SOX10: variants seen among roughly 807,000 people sequenced by gnomAD.
SOX10 encodes the protein SRY-box transcription factor 10.
SOX10 carries 3 observed loss-of-function variants against 35.0 expected under a neutral mutation model. The observed-to-expected ratio is 0.09, with a 90% CI of 0.04 to 0.22. The LOEUF (loss-of-function observed/expected upper bound fraction) is 0.22, where lower values mean the gene tolerates loss of function less well. Among genes scored for constraint, SOX10 ranks in the 10% least tolerant of loss-of-function variants. SOX10 has a pLI of 1.00. For missense variants in SOX10, 436 were observed against 655.1 expected, an observed-to-expected ratio of 0.67 and a Z score of 3.65; for synonymous variants, 285 against 291.0, an observed-to-expected ratio of 0.98 and a Z score of 0.21.
In SOX10 at chr22:37,978,778, CTT is replaced by C. The variant is rs139967029; in HGVS notation, c.429-645_429-644del. ...CCTTGAGGAAGAGGTGCTTTTCTTTCTTTCTTTTTTTTTTCTGTGAGGGAATC... is the reference window on the plus strand; with the variant it reads ...CCTTGAGGAAGAGGTGCTTTTCTTTCTCTTTTTTTTTTCTGTGAGGGAATC... On this transcript the variant is annotated intron_variant, in intron 2 of 3. Coordinates refer to ENST00000396884, the MANE Select transcript of SOX10 (RefSeq NM_006941.4). The surrounding 1 kb of genome is among the most constrained non-coding windows in gnomAD (Gnocchi z 5.0). 8.3e-3 allele frequency among the ~76,000 whole-genome samples: 1,267 copies of C among 152,032 alleles called. 17 individuals carry two copies. The highest frequency in any genetic ancestry group is 0.029 in the African/African-American group (1,209 of 41,454).
chr22:37,982,127 C>G (rs965931098), intron 2 of SOX10, among the ~76,000 whole-genome samples: 4 of 152,196 alleles, frequency 2.6e-5, no homozygotes, highest in African/African-American at 9.7e-5. Context: ...TTGTTCTCAT[C>G]TTCTTGCTTC....
rs1287431015 is a variant in SOX10 at position 37,983,689 on chromosome 22, C to T, written c.96G>A (p.Gly32=). The part of the protein sequence containing the change: ...CLSPGSAPSL[G]PDGGGGGSGL... ...CCGATCCGCCGCCGCCGCCGTCGGG[C>T]CCTAGCGAGGGCGCGCTCCCCGGGG... is the stretch of plus-strand genomic sequence containing the variant. Residue 32 remains glycine, a synonymous_variant, in exon 2 of 4, where the codon GGG becomes GGA. Coordinates refer to ENST00000396884, the MANE Select transcript of SOX10 (RefSeq NM_006941.4). The surrounding 1 kb of genome is among the most constrained non-coding windows in gnomAD (Gnocchi z 9.5). 1.3e-6 allele frequency: 2 copies of T among 1,543,792 alleles called. No homozygotes were observed. Among genetic ancestry groups the T allele is most frequent in the South Asian group, 1.2e-5 (1 of 84,892 alleles).
At position 37,980,665 on chromosome 22, in the gene SOX10, G is replaced by A. The variant is rs912876757; in HGVS notation, c.429-2530C>T. Among the ~76,000 whole-genome samples the A allele has an allele frequency of 2.0e-5, 3 of 152,024 alleles. No homozygotes were observed. Among genetic ancestry groups the A allele is most frequent in the Admixed American group, 6.5e-5 (1 of 15,276 alleles). ...TTACCAGCCCCAAACCCCCAACTTC[G>A]CCTCCAGCTCTAACTCCAAACCCAG... On this transcript the variant is annotated intron_variant, in intron 2 of 3. Coordinates refer to ENST00000396884, the MANE Select transcript of SOX10 (RefSeq NM_006941.4). This position sits in a 1 kb window ranked among gnomAD's most constrained non-coding sequence, Gnocchi z 4.1.
At position 37,984,410 on chromosome 22, in the gene SOX10, C is replaced by T. The variant is rs1010130580; in HGVS notation, c.-156G>A. ...AAAACCGTGTCCCAAGGTGTGCGGT[C>T]CAGCTCGGGGCTGGGAGGTGACGCT... On this transcript the variant is annotated 5_prime_UTR_variant, in exon 1 of 4. Transcript: ENST00000396884. This position sits in a 1 kb window ranked among gnomAD's most constrained non-coding sequence, Gnocchi z 4.4. 1.3e-5 allele frequency: 2 copies of T among 152,310 alleles called. No homozygotes were observed. The highest frequency in any genetic ancestry group is 2.9e-5 in the Non-Finnish European group (2 of 68,128). 9.4% of individuals were successfully genotyped at this position (152,310 alleles called of 1,614,324 possible).
Position 37,974,604 on chromosome 22 carries a change from C to T in SOX10, c.698-406G>A, listed in dbSNP as rs1228233491. The stretch of plus-strand genomic sequence containing the variant: ...CTGACCTCAGGTGATCCACCTGCCT[C>T]GGCCTCCCAAAGTGCTGGGATTACC... On this transcript the variant is annotated intron_variant, in intron 3 of 3. Coordinates refer to ENST00000396884, the MANE Select transcript of SOX10 (RefSeq NM_006941.4). The surrounding 1 kb of genome is among the most constrained non-coding windows in gnomAD (Gnocchi z 5.4). 2.0e-5 allele frequency among the ~76,000 whole-genome samples: 3 copies of T among 152,120 alleles called. No homozygotes were observed. The highest frequency in any genetic ancestry group is 6.5e-5 in the Admixed American group (1 of 15,280).
At chr22:37,979,499 G>A (rs941991625) in intron 2 of SOX10, among the ~76,000 whole-genome samples, 8 of 152,072 alleles carry the variant, frequency 5.3e-5, no homozygotes, top group Middle Eastern at 3.2e-3. Context: ...TTCCAGTGTG[G>A]TGGGACTGAG....
rs371398825 is a variant in SOX10 at position 37,978,155 on chromosome 22, G to A, written c.429-20C>T. On this transcript the variant is annotated intron_variant, in intron 2 of 3. Coordinates refer to ENST00000396884, the MANE Select transcript of SOX10 (RefSeq NM_006941.4). This position sits in a 1 kb window ranked among gnomAD's most constrained non-coding sequence, Gnocchi z 5.0. ...AGCAGCCTGGGGTGTGGTGGGAGGC[G>A]GAGAGGACAGCAGAGGGGCTGGCGT... 7.2e-6 allele frequency: 11 copies of A among 1,532,322 alleles called. No homozygotes were observed. Among genetic ancestry groups the A allele is most frequent in the South Asian group, 2.5e-5 (2 of 81,040 alleles). 94.9% of individuals were successfully genotyped at this position (1,532,322 alleles called of 1,614,324 possible). A position where few individuals can be genotyped will look rare whatever the true frequency, so the allele number is the denominator to read the frequency against.
rs1166955646 is a variant in SOX10, at chr22:37,973,490, C to T, written c.*5G>A. Reference sequence around the variant, plus strand: ...GGGCGGGGGGTGGTGGCGACAGGGCCCCCTTTAGGGCCGGGACAGTGTCGT... The same window carrying T: ...GGGCGGGGGGTGGTGGCGACAGGGCTCCCTTTAGGGCCGGGACAGTGTCGT... On this transcript the variant is annotated 3_prime_UTR_variant, in exon 4 of 4. Coordinates refer to ENST00000396884, the MANE Select transcript of SOX10 (RefSeq NM_006941.4). 2 of 1,568,724 alleles carry T rather than the reference C, an allele frequency of 1.3e-6. No homozygotes were observed. Among genetic ancestry groups the T allele is most frequent in the South Asian group, 2.3e-5 (2 of 87,530 alleles).
In SOX10 at chr22:37,978,189, G is replaced by C. The variant is rs1478081825; in HGVS notation, c.429-54C>G. The stretch of plus-strand genomic sequence containing the variant: ...AGCAGAGGGGCTGGCGTGAATGCCA[G>C]AGCACTCCAGGTTGGCCTCCCTCTG... On this transcript the variant is annotated intron_variant, in intron 2 of 3. Coordinates refer to ENST00000396884, the MANE Select transcript of SOX10 (RefSeq NM_006941.4). The surrounding 1 kb of genome is among the most constrained non-coding windows in gnomAD (Gnocchi z 5.0). The C allele has an allele frequency of 2.7e-6, 4 of 1,464,972 alleles. No homozygotes were observed. In the East Asian group the frequency reaches 9.7e-5, roughly 36 times the overall value. 90.7% of individuals were successfully genotyped at this position (1,464,972 alleles called of 1,614,324 possible).
chr22:37,972,863 T>C lies in SOX10; in HGVS notation c.*632A>G, dbSNP rs1470182276. ...AAAGAATGAGGTTATTGGCACAGAA[T>C]TGGATCAGGGGGCCTCTGTGCCAAC... On this transcript the variant is annotated 3_prime_UTR_variant, in exon 4 of 4. Coordinates refer to ENST00000396884, the MANE Select transcript of SOX10 (RefSeq NM_006941.4). 1 of 153,364 alleles carries C rather than the reference T, an allele frequency of 6.5e-6. No homozygotes were observed. Among genetic ancestry groups the C allele is most frequent in the East Asian group, 1.9e-4 (1 of 5,202 alleles). 9.5% of individuals were successfully genotyped at this position (153,364 alleles called of 1,614,324 possible).
chr22:37,975,966 C>T (rs938855513), intron 3 of SOX10, among the ~76,000 whole-genome samples: 3 of 151,928 alleles, frequency 2.0e-5, no homozygotes, highest in Admixed American at 1.3e-4. Flanking sequence ...GGAGGCTGGG[C>T]GTGCTGGGTC....
intron 2 of SOX10, among the ~76,000 whole-genome samples, chr22:37,979,271 T>C (rs1932320195): frequency 6.6e-6 from 1 of 151,650 alleles, no homozygotes; most frequent in Non-Finnish European, 1.5e-5. Flanking sequence ...CTAATTTTTG[T>C]ATTTTTAGTA....
At position 37,973,942 on chromosome 22, in the gene SOX10, A is replaced by G. The variant is rs753494535; in HGVS notation, c.954T>C (p.Tyr318=). Residue 318 remains tyrosine, a synonymous_variant, in exon 4 of 4, where the codon TAT becomes TAC. Transcript: ENST00000396884. Reference sequence around the variant, plus strand: ...CCACGGCCAGGGCACTGCCCAGCCCATAGCCGGCTGCTGAGTAGCTGCTCA... The same window carrying G: ...CCACGGCCAGGGCACTGCCCAGCCCGTAGCCGGCTGCTGAGTAGCTGCTCA... ...GHVSSYSAAG[Y]GLGSALAVAS... is the part of the protein sequence containing the mutation. The G allele has an allele frequency of 7.5e-6, 12 of 1,610,592 alleles. No individual in the cohort carries two copies. The highest frequency in any genetic ancestry group is 6.7e-5 in the African/African-American group (5 of 74,936).
chr22:37,973,394 A>C lies in SOX10; in HGVS notation c.*101T>G, dbSNP rs1932116988. 1 of 797,658 alleles carries C rather than the reference A, an allele frequency of 1.3e-6. No individual in the cohort carries two copies. The highest frequency in any genetic ancestry group is 1.7e-5 in the African/African-American group (1 of 57,724). 49.4% of individuals were successfully genotyped at this position (797,658 alleles called of 1,614,324 possible). ...ACCTGTCAGCCTCTTCAGCCTCCTCAGCCTCCTCCACTGCCACCACCAGGC... is the reference window on the plus strand; with the variant it reads ...ACCTGTCAGCCTCTTCAGCCTCCTCCGCCTCCTCCACTGCCACCACCAGGC... On this transcript the variant is annotated 3_prime_UTR_variant, in exon 4 of 4. Transcript: ENST00000396884.
chr22:37,979,995 C>T (rs1048417209), intron 2 of SOX10, among the ~76,000 whole-genome samples: 3 of 152,214 alleles, frequency 2.0e-5, no homozygotes, highest in East Asian at 3.9e-4. Flanking sequence ...TCATGCCAGG[C>T]ACCTCCTAGC....
chr22:37,982,753 G>T (rs1932439877), intron 2 of SOX10, among the ~76,000 whole-genome samples: 1 of 152,118 alleles, frequency 6.6e-6, no homozygotes, highest in Non-Finnish European at 1.5e-5. Flanking sequence ...TCCCTAGGAG[G>T]ATGAAGAAGC....
In SOX10 at chr22:37,974,214, A is replaced by C. The variant is rs747057958; in HGVS notation, c.698-16T>G. 3.2e-6 allele frequency: 5 copies of C among 1,586,256 alleles called. No homozygotes were observed. The Admixed American group carries it at 8.4e-5, about 27-fold the overall frequency. ...TGGCTCTGGCCTGGGTAGAAGGGAG[A>C]CAGAGAGAGAGAGCGCAAGGGGGAA... On this transcript the variant is annotated splice_polypyrimidine_tract_variant and intron_variant, in intron 3 of 3. Coordinates refer to ENST00000396884, the MANE Select transcript of SOX10 (RefSeq NM_006941.4). The surrounding 1 kb of genome is among the most constrained non-coding windows in gnomAD (Gnocchi z 5.4).
In SOX10 at chr22:37,978,272, G is replaced by A. The variant is rs536605136; in HGVS notation, c.429-137C>T. ...ATGGGGCACCCAGAGGACAGGACCC[G>A]GGGTGGGGGCTGTGCCCTATGATTT... On this transcript the variant is annotated intron_variant, in intron 2 of 3. Coordinates refer to ENST00000396884, the MANE Select transcript of SOX10 (RefSeq NM_006941.4). This position sits in a 1 kb window ranked among gnomAD's most constrained non-coding sequence, Gnocchi z 5.0. 2,498 of 913,448 alleles carry A rather than the reference G, an allele frequency of 2.7e-3. 9 individuals are homozygous for A. Among genetic ancestry groups the A allele is most frequent in the Middle Eastern group, 4.8e-3 (14 of 2,896 alleles). The allele number at this position is 913,448 out of a possible 1,614,324, so 56.6% of individuals were successfully genotyped here. A position where few individuals can be genotyped will look rare whatever the true frequency, so the allele number is the denominator to read the frequency against.
At chr22:37,981,622 G>A (rs971151532) in intron 2 of SOX10, among the ~76,000 whole-genome samples, 1 of 152,156 alleles carries the variant, frequency 6.6e-6, no homozygotes, top group African/African-American at 2.4e-5. Context: ...ACTCTCGTTG[G>A]GCTCGTACTG....
Sources: gnomAD v4.1 joint callset for allele counts (sites outside exome capture counted in the v4.1 genomes callset) on GRCh38, gnomAD v4.1.1 for gene constraint, Gnocchi (gnomAD v3.1) non-coding constraint, MANE v1.5 for transcripts, NCBI Gene and HGNC (gene_info 2026-07-23, HGNC 2026-07-21) for gene names.